Variants in GLYATL1 observed in about 807,000 individuals in gnomAD.
The protein encoded by GLYATL1 is glycine N-acyltransferase-like protein 1.
A neutral mutation model predicts 20.0 loss-of-function variants in GLYATL1; 15 were observed. That is an observed-to-expected ratio of 0.75 (90% CI 0.50 to 1.15). The LOEUF is 1.15. Among genes scored for constraint, GLYATL1 ranks in the 50% most tolerant of loss-of-function variants. The probability of loss-of-function intolerance (pLI) is 0.00; values close to 1 mark genes in which losing one functional copy is unlikely to be tolerated. For missense variants in GLYATL1, 380 were observed against 368.5 expected, an observed-to-expected ratio of 1.03 and a Z score of -0.26; for synonymous variants, 151 against 131.5, an observed-to-expected ratio of 1.15 and a Z score of -1.01.
At chr11:58,907,354 G>A (rs1854922988) in exon 2 of GLYATL1, 1 of 456,122 alleles carries the variant, frequency 2.2e-6, no homozygotes, top group Non-Finnish European at 4.4e-6. Context: ...TTGCGACACT[G>A]GCCTGGAATC....
At chr11:58,914,011 A>ATCCC (rs1245128824) in intron 1 of GLYATL1, among the ~76,000 whole-genome samples, 2 of 152,140 alleles carry the variant, frequency 1.3e-5, no homozygotes, top group African/African-American at 2.4e-5. Flanking sequence ...GGGATAGGAT[A>ATCCC]TGGGCCACTT....
chr11:58,929,351 A>C (rs572121862), intron 1 of GLYATL1, among the ~76,000 whole-genome samples: 1 of 152,284 alleles, frequency 6.6e-6, no homozygotes, highest in South Asian at 2.1e-4. Context: ...TTCTATGTCT[A>C]TTGAGATGAT....
chr11:58,908,545 A>G, exon 2 of GLYATL1: 1 of 208,478 alleles, frequency 4.8e-6, no homozygotes. Flanking sequence ...TGAAGTTTCA[A>G]AGGCATATCT....
chr11:58,908,023 A>G (rs898707304), exon 2 of GLYATL1: 3 of 152,790 alleles, frequency 2.0e-5, no homozygotes, highest in African/African-American at 7.3e-5. Flanking sequence ...GTTCCTTTTC[A>G]ACAGTTTCAT....
exon 2 of GLYATL1, chr11:58,907,286 T>C (rs1339372390): frequency 8.8e-6 from 4 of 456,308 alleles, no homozygotes; most frequent in Non-Finnish European, 1.8e-5. Context: ...CACCTTGGTC[T>C]CTCAGCTTTG....
rs753738229 is a variant in GLYATL1 at position 58,948,010 on chromosome 11, G to A, written c.186+45G>A. 3.0e-6 allele frequency: 4 copies of A among 1,333,140 alleles called. No individual in the cohort carries two copies. In the East Asian group the frequency reaches 9.2e-5, roughly 31 times the overall value. 82.6% of individuals were successfully genotyped at this position (1,333,140 alleles called of 1,614,324 possible). A position where few individuals can be genotyped will look rare whatever the true frequency, so the allele number is the denominator to read the frequency against. ...CTGGTGGAGCCAGGCAGGTCCACAG[G>A]GCCTGAGGAACTGACCAGTTCAGAC... On this transcript the variant is annotated intron_variant, in intron 4 of 6. Transcript: ENST00000532726.
chr11:58,922,015 T>C (rs1855320206), intron 1 of GLYATL1, among the ~76,000 whole-genome samples: 1 of 152,214 alleles, frequency 6.6e-6, no homozygotes, highest in African/African-American at 2.4e-5. Context: ...TTCCCCACAT[T>C]GATTGCCTTT....
chr11:58,944,434 G>GA (rs1310251780), intron 2 of GLYATL1, among the ~76,000 whole-genome samples: 1 of 151,750 alleles, frequency 6.6e-6, no homozygotes, highest in Non-Finnish European at 1.5e-5. Context: ...GGGGAAAAAA[G>GA]AAAAAAATAT....
At chr11:58,905,739 A>AGG in intron 1 of GLYATL1, 1 of 2,392 alleles carries the variant, frequency 4.2e-4, no homozygotes, top group Non-Finnish European at 7.5e-4. Context: ...CTGGACAAAT[A>AGG]GGGAGGGTGG....
intron 4 of GLYATL1, among the ~76,000 whole-genome samples, chr11:58,951,340 G>T (rs560837): frequency 2.0e-5 from 3 of 151,784 alleles, no homozygotes; most frequent in African/African-American, 7.3e-5. Context: ...CTATTTTGTC[G>T]TATAACATGT....
rs765438553 is a variant in GLYATL1 at position 58,947,881 on chromosome 11, C to A, written c.102C>A (p.Ile34=). 93 of 1,613,310 alleles carry A rather than the reference C, an allele frequency of 5.8e-5. No homozygotes were observed. The highest frequency in any genetic ancestry group is 7.2e-5 in the Non-Finnish European group (85 of 1,179,356). The change falls in exon 4 of 7, where the codon ATC becomes ATA. Residue 34 remains isoleucine, a synonymous_variant. Transcript: ENST00000532726. ...SLKVYGSVYH[I]NHGNPFNMEV... is the part of the protein sequence containing the mutation. ...AGGTGTATGGCTCTGTGTATCACAT[C>A]AATCACGGGAACCCCTTCAACATGG...
chr11:58,909,325 G>A (rs1854983779), downstream of GLYATL1, among the ~76,000 whole-genome samples: 1 of 152,092 alleles, frequency 6.6e-6, no homozygotes. Flanking sequence ...ACAGCATGGT[G>A]CCTATAGTTA....
chr11:58,933,371 TA>T (rs775393647), intron 1 of GLYATL1, among the ~76,000 whole-genome samples: 4 of 152,222 alleles, frequency 2.6e-5, no homozygotes, highest in Non-Finnish European at 5.9e-5. Flanking sequence ...ACCTACCTAC[TA>T]AATGATCCAA....
In GLYATL1 at chr11:58,947,113, A is replaced by G. The variant is rs1856621711; in HGVS notation, c.26A>G (p.Lys9Arg). ...ATGATCCTACTGAATAACTCCCATA[A>G]GCTGCTGGCCCTATACAAATCCTTG... Reference protein sequence around the residue: MILLNNSHKLLALYKSLAR... With the variant: MILLNNSHRLLALYKSLAR... Residue 9 changes from lysine (K) to arginine (R), a missense_variant, in exon 3 of 7, where the codon AAG (lysine) becomes AGG (arginine). Coordinates refer to ENST00000532726, the MANE Select transcript of GLYATL1 (RefSeq NM_001389712.2). The G allele has an allele frequency of 6.2e-7, 1 of 1,613,940 alleles. No individual in the cohort carries two copies.
intron 1 of GLYATL1, chr11:58,942,408 A>T (rs1019620346): frequency 6.6e-6 from 1 of 152,200 alleles, no homozygotes; most frequent in Admixed American, 6.5e-5. Context: ...TGCTCATAAG[A>T]CATACAGAAA....
At chr11:58,955,398 C>T (rs1857325513) in intron 6 of GLYATL1, 45 bp downstream of exon 6, 3 of 1,537,168 alleles carry the variant, frequency 2.0e-6, no homozygotes, top group Non-Finnish European at 2.7e-6. Context: ...ATTCCTTGTA[C>T]ATTTTTGTAA....
chr11:58,926,735 GAAAT>G (rs986815951), upstream of GLYATL1, among the ~76,000 whole-genome samples: 34 of 152,326 alleles, frequency 2.2e-4, no homozygotes, highest in African/African-American at 6.7e-4. Context: ...ATGGCAAGCT[GAAAT>G]AAATAACGTG....
At chr11:58,947,701 T>C (rs1186636553) in intron 3 of GLYATL1, 157 bp from the exon 4 acceptor site, 4 of 588,468 alleles carry the variant, frequency 6.8e-6, no homozygotes, top group Non-Finnish European at 9.1e-6. Context: ...TTCACGTCCA[T>C]CAGTATGGTC....
intron 1 of GLYATL1, chr11:58,942,621 T>C (rs1272862960): frequency 1.3e-5 from 2 of 152,038 alleles, no homozygotes; most frequent in African/African-American, 4.8e-5. Flanking sequence ...GATAAGAAGA[T>C]TGATTTGAGA....
Sources: allele counts gnomAD v4.1 joint callset (sites outside exome capture counted in the v4.1 genomes callset), GRCh38; gene constraint gnomAD v4.1.1; transcripts MANE v1.5; gene names NCBI Gene and HGNC (gene_info 2026-07-23, HGNC 2026-07-21).